The following CEP128 variants were observed in gnomAD, a reference collection of about 807,000 sequenced individuals.
The protein encoded by CEP128 is centrosomal protein 128, also known as centrosomal protein 128kDa.
CEP128 carries 132 observed loss-of-function variants against 156.7 expected under a neutral mutation model. The observed-to-expected ratio is 0.84, with a 90% CI of 0.73 to 0.97. The LOEUF is 0.97. Ranked by LOEUF, CEP128 falls within the 50% of genes least tolerant of loss-of-function variation. The pLI is 0.00. For missense variants in CEP128, 1,252 were observed against 1,281.9 expected, an observed-to-expected ratio of 0.98 and a Z score of 0.36; for synonymous variants, 469 against 448.9, an observed-to-expected ratio of 1.04 and a Z score of -0.57.
intron 9 of CEP128, among the ~76,000 whole-genome samples, chr14:80,850,881 G>A (rs1304631815): frequency 6.6e-6 from 1 of 152,064 alleles, no homozygotes. Flanking sequence ...CCCACTATAC[G>A]AAAATGTTAT....
At chr14:80,927,271 G>T (rs1002711474) in intron 2 of CEP128, among the ~76,000 whole-genome samples, 16 of 152,202 alleles carry the variant, frequency 1.1e-4, no homozygotes, top group African/African-American at 3.6e-4. Context: ...AGAGGCACAG[G>T]TGCAGTGCTG....
intron 19 of CEP128, among the ~76,000 whole-genome samples, chr14:80,708,764 T>C (rs1357443237): frequency 6.6e-6 from 1 of 152,212 alleles, no homozygotes; most frequent in Non-Finnish European, 1.5e-5. Context: ...CTTCCTATAG[T>C]ATTTGAATAA....
intron 19 of CEP128, among the ~76,000 whole-genome samples, chr14:80,601,684 C>G (rs1483835843): frequency 6.6e-6 from 1 of 152,036 alleles, no homozygotes; most frequent in Non-Finnish European, 1.5e-5. Context: ...ATACCATAAG[C>G]AAATGTAACA....
rs74064286 is a variant in CEP128 at position 80,585,872 on chromosome 14, T to C, written c.2807-5449A>G. On this transcript the variant is annotated intron_variant, in intron 19 of 24. Transcript: ENST00000555265. ...ATTCATATATTTAAATATATTCATA[T>C]ATTTGATTCATAATTTCATATAACA... Among the ~76,000 whole-genome samples the C allele has an allele frequency of 8.5e-3, 1,292 of 152,310 alleles. 24 individuals are homozygous for C. The highest frequency in any genetic ancestry group is 0.027 in the Middle Eastern group (8 of 294).
At chr14:80,772,134 C>G (rs1263876908) in intron 16 of CEP128, among the ~76,000 whole-genome samples, 1 of 152,170 alleles carries the variant, frequency 6.6e-6, no homozygotes, top group African/African-American at 2.4e-5. Flanking sequence ...GCTGCACCCT[C>G]AAGGCTGGAA....
intron 20 of CEP128, among the ~76,000 whole-genome samples, chr14:80,562,094 A>AT (rs11426786): frequency 0.57 from 85,282 of 150,758 alleles, 24,438 homozygotes; most frequent in East Asian, 0.72. Context: ...CATCCGGCTA[A>AT]TTTTTTTATT....
intron 13 of CEP128, chr14:80,822,654 C>A: frequency 1.3e-6 from 1 of 750,384 alleles, no homozygotes; most frequent in Non-Finnish European, 2.5e-6. Context: ...CGTAAAAAGG[C>A]CCCTGCAAAG....
chr14:80,538,473 C>T (rs2140301183), intron 21 of CEP128, among the ~76,000 whole-genome samples: 1 of 152,256 alleles, frequency 6.6e-6, no homozygotes, highest in Non-Finnish European at 1.5e-5. Context: ...TAAGCATCTT[C>T]AAGCATACAG....
chr14:80,567,808 C>A (rs1055405857), intron 20 of CEP128, among the ~76,000 whole-genome samples: 1 of 152,068 alleles, frequency 6.6e-6, no homozygotes, highest in Admixed American at 6.6e-5. Context: ...TGGCTAGGGG[C>A]AATGCAAAGG....
intron 24 of CEP128, among the ~76,000 whole-genome samples, chr14:80,497,982 C>A (rs915160173): frequency 6.6e-6 from 1 of 152,168 alleles, no homozygotes; most frequent in Non-Finnish European, 1.5e-5. Flanking sequence ...GAAAGTAGAC[C>A]TGGAGTTTGT....
At chr14:80,599,511 G>A (rs994398766) in intron 19 of CEP128, among the ~76,000 whole-genome samples, 10 of 151,738 alleles carry the variant, frequency 6.6e-5, no homozygotes, top group Admixed American at 3.9e-4. Context: ...TCCTGACCTC[G>A]TGATCCACCC....
At chr14:80,928,717 T>G (rs894530116) in intron 2 of CEP128, among the ~76,000 whole-genome samples, 1 of 152,110 alleles carries the variant, frequency 6.6e-6, no homozygotes, top group South Asian at 2.1e-4. Flanking sequence ...TCACTCTCCA[T>G]ATACATAATT....
At chr14:80,574,099 T>C (rs1595029040) in intron 20 of CEP128, among the ~76,000 whole-genome samples, 1 of 152,210 alleles carries the variant, frequency 6.6e-6, no homozygotes, top group African/African-American at 2.4e-5. Context: ...GTAGGGACTG[T>C]ATTACTTTCT....
chr14:80,825,394 C>A (rs1431706398), intron 13 of CEP128, among the ~76,000 whole-genome samples: 4 of 152,154 alleles, frequency 2.6e-5, no homozygotes, highest in Non-Finnish European at 4.4e-5. Context: ...CAGGCGTGAG[C>A]CATCATGCCC....
At chr14:80,859,989 A>C (rs1280013859) in intron 9 of CEP128, among the ~76,000 whole-genome samples, 1 of 152,220 alleles carries the variant, frequency 6.6e-6, no homozygotes, top group Non-Finnish European at 1.5e-5. Flanking sequence ...TTAAGAAGGC[A>C]AAAGAGCACA....
At chr14:80,478,523 C>G (rs547819294) in intron 14 of CEP128, 4 of 152,254 alleles carry the variant, frequency 2.6e-5, no homozygotes, top group Non-Finnish European at 4.4e-5. Context: ...GCAACATATA[C>G]TGTCTGCATT....
chr14:80,788,310 T>TTC (rs398025906), intron 14 of CEP128, among the ~76,000 whole-genome samples: 37 of 149,548 alleles, frequency 2.5e-4, no homozygotes, highest in Middle Eastern at 6.9e-3. Flanking sequence ...TTTTTTTTTT[T>TTC]CTGTTTCCTG....
chr14:80,660,648 A>C (rs1895360605), intron 19 of CEP128, among the ~76,000 whole-genome samples: 3 of 152,194 alleles, frequency 2.0e-5, no homozygotes, highest in African/African-American at 7.2e-5. Context: ...ATTTTCAGGT[A>C]CTATGCTAAG....
chr14:80,949,456 A>G (rs10149689), intron 2 of CEP128, among the ~76,000 whole-genome samples: 64,904 of 151,932 alleles, frequency 0.43, 14,230 homozygotes, highest in Middle Eastern at 0.53. Flanking sequence ...TGTGAAAAAA[A>G]TGAGGCTGGA....
Sources: gnomAD v4.1 joint callset for allele counts (sites outside exome capture counted in the v4.1 genomes callset) on GRCh38, gnomAD v4.1.1 for gene constraint, MANE v1.5 for transcripts, NCBI Gene and HGNC (gene_info 2026-07-23, HGNC 2026-07-21) for gene names.